SCAI: variants seen among roughly 807,000 people sequenced by gnomAD.
SCAI encodes suppressor of cancer cell invasion.
A neutral mutation model predicts 92.2 loss-of-function variants in SCAI; 24 were observed. The ratio of observed to expected loss-of-function variants is 0.26; its 90% confidence interval spans 0.19 to 0.37. The LOEUF (loss-of-function observed/expected upper bound fraction) is 0.37, where lower values mean the gene tolerates loss of function less well. SCAI is among the 10% of genes least tolerant of loss of function. SCAI has a pLI of 1.00. For missense variants in SCAI, 450 were observed against 736.2 expected, an observed-to-expected ratio of 0.61 and a Z score of 4.50; for synonymous variants, 261 against 258.6, an observed-to-expected ratio of 1.01 and a Z score of -0.09.
At chr9:125,021,233 C>T (rs143529131) in intron 6 of SCAI, among the ~76,000 whole-genome samples, 188 of 152,240 alleles carry the variant, frequency 1.2e-3, no homozygotes, top group Middle Eastern at 0.01. Flanking sequence ...AAGAATACAA[C>T]GAAGCGTGGA....
intron 2 of SCAI, among the ~76,000 whole-genome samples, chr9:125,111,518 C>T (rs1015726288): frequency 6.6e-6 from 1 of 151,938 alleles, no homozygotes; most frequent in East Asian, 1.9e-4. Context: ...AACACAAATT[C>T]GCAAACTTCC....
intron 13 of SCAI, among the ~76,000 whole-genome samples, chr9:124,998,474 C>T (rs1233755481): frequency 6.6e-6 from 1 of 151,698 alleles, no homozygotes; most frequent in East Asian, 1.9e-4. Flanking sequence ...AAACTCAATA[C>T]TAGAGGTTGG....
At chr9:125,099,182 T>C (rs1175249046) in intron 2 of SCAI, among the ~76,000 whole-genome samples, 1 of 152,184 alleles carries the variant, frequency 6.6e-6, no homozygotes, top group Non-Finnish European at 1.5e-5. Context: ...TACATATTCA[T>C]ATCCAGGAAA....
At chr9:124,995,969 G>A (rs1394203484) in intron 13 of SCAI, among the ~76,000 whole-genome samples, 2 of 152,032 alleles carry the variant, frequency 1.3e-5, no homozygotes, top group Admixed American at 6.6e-5. Context: ...CTGAGTACAC[G>A]ATGTGCATAT....
chr9:124,973,597 C>T (rs991566385), intron 15 of SCAI, among the ~76,000 whole-genome samples: 16 of 152,188 alleles, frequency 1.1e-4, no homozygotes, highest in South Asian at 4.1e-4. Context: ...CTTTTGGAGG[C>T]GGAGGCGGGC....
rs895227034 is a variant in SCAI, at chr9:124,947,770, T to G, written c.*5037A>C. 7 of 152,184 alleles carry G rather than the reference T, an allele frequency of 4.6e-5. No homozygotes were observed. The highest frequency in any genetic ancestry group is 1.0e-4 in the Non-Finnish European group (7 of 68,030). 9.4% of individuals were successfully genotyped at this position (152,184 alleles called of 1,614,324 possible). A position where few individuals can be genotyped will look rare whatever the true frequency, so the allele number is the denominator to read the frequency against. On this transcript the variant is annotated 3_prime_UTR_variant, in exon 18 of 18. Transcript: ENST00000336505. ...AAAAGAGCCCTCAAGGTAAATACCCTCTATGATTTCCAAACACACACAGGA... is the reference window on the plus strand; with the variant it reads ...AAAAGAGCCCTCAAGGTAAATACCCGCTATGATTTCCAAACACACACAGGA...
At chr9:125,062,970 A>G (rs1833799691) in intron 2 of SCAI, among the ~76,000 whole-genome samples, 1 of 149,268 alleles carries the variant, frequency 6.7e-6, no homozygotes, top group African/African-American at 2.5e-5. Flanking sequence ...CAGTGAGTCC[A>G]GATCGCACCA....
intron 2 of SCAI, among the ~76,000 whole-genome samples, chr9:125,082,147 T>C (rs1161143215): frequency 6.6e-6 from 1 of 152,216 alleles, no homozygotes; most frequent in Non-Finnish European, 1.5e-5. Context: ...ATGCCATGTG[T>C]GGTCTAGAGA....
chr9:125,014,077 T>C (rs1278636333), intron 9 of SCAI, among the ~76,000 whole-genome samples: 2 of 152,102 alleles, frequency 1.3e-5, no homozygotes. Flanking sequence ...AATATCATAC[T>C]GAATGGGCAA....
intron 2 of SCAI, among the ~76,000 whole-genome samples, chr9:125,072,896 C>G (rs1834004844): frequency 1.3e-5 from 2 of 151,970 alleles, no homozygotes; most frequent in Admixed American, 1.3e-4. Context: ...ATAATACGCC[C>G]TTGTTTTTAT....
At chr9:125,059,526 C>T (rs982661506) in intron 2 of SCAI, among the ~76,000 whole-genome samples, 39 of 152,136 alleles carry the variant, frequency 2.6e-4, no homozygotes, top group African/African-American at 7.5e-4. Context: ...AAAATACAAA[C>T]CTAATGCAGC....
intron 9 of SCAI, among the ~76,000 whole-genome samples, chr9:125,016,481 A>G (rs570226968): frequency 2.2e-4 from 33 of 151,952 alleles, no homozygotes; most frequent in Admixed American, 6.6e-4. Context: ...TAAGAATCAG[A>G]ATCAATGTAA....
At chr9:125,134,013 C>G (rs966041263) in intron 2 of SCAI, among the ~76,000 whole-genome samples, 2 of 152,152 alleles carry the variant, frequency 1.3e-5, no homozygotes, top group African/African-American at 4.8e-5. Flanking sequence ...TAGTTGAGAA[C>G]CACCCCTTAG....
At chr9:124,956,170 A>G (rs1588113951) in intron 17 of SCAI, among the ~76,000 whole-genome samples, 1 of 152,214 alleles carries the variant, frequency 6.6e-6, no homozygotes, top group South Asian at 2.1e-4. Flanking sequence ...CAAAAAGGAC[A>G]ATATATGACC....
chr9:125,055,581 C>T (rs1833644450), intron 3 of SCAI, among the ~76,000 whole-genome samples: 2 of 152,222 alleles, frequency 1.3e-5, no homozygotes, highest in Non-Finnish European at 2.9e-5. Flanking sequence ...CAGACCTCAA[C>T]ACCCTAATGT....
At chr9:125,105,526 A>C (rs923055834) in intron 2 of SCAI, among the ~76,000 whole-genome samples, 3 of 152,222 alleles carry the variant, frequency 2.0e-5, no homozygotes, top group Admixed American at 2.0e-4. Flanking sequence ...CAAAATAAAG[A>C]AATTTGAATG....
At chr9:124,958,886 G>GAC (rs10692315) in intron 17 of SCAI, among the ~76,000 whole-genome samples, 91,482 of 145,478 alleles carry the variant, frequency 0.63, 29,153 homozygotes, top group African/African-American at 0.66. Context: ...CAGCCTGGGT[G>GAC]AGAGTGAGAC....
Position 125,142,626 on chromosome 9 carries a change from G to A in SCAI, c.98+7C>T. Reference sequence around the variant, plus strand: ...ACATGAAGCAAAATAGGAAGGCACTGCCTTACCTGCTTCTCCGTTTTCGAG... The same window carrying A: ...ACATGAAGCAAAATAGGAAGGCACTACCTTACCTGCTTCTCCGTTTTCGAG... On this transcript the variant is annotated splice_region_variant and intron_variant, in intron 2 of 17. Coordinates refer to ENST00000336505, the MANE Select transcript of SCAI (RefSeq NM_001144877.3). 6.2e-7 allele frequency: 1 copy of A among 1,612,790 alleles called. No individual in the cohort carries two copies. Among genetic ancestry groups the A allele is most frequent in the Non-Finnish European group, 8.5e-7 (1 of 1,178,836 alleles).
Position 125,059,631 on chromosome 9 carries a change from A to G in SCAI, c.99-3624T>C, listed in dbSNP as rs945343531. On this transcript the variant is annotated intron_variant, in intron 2 of 17. Coordinates refer to ENST00000336505, the MANE Select transcript of SCAI (RefSeq NM_001144877.3). ...AGGCAGTGTAAATTAGTTCAAACCCATAAGTTTCCCTGAATGTATGAGGGG... is the reference window on the plus strand; with the variant it reads ...AGGCAGTGTAAATTAGTTCAAACCCGTAAGTTTCCCTGAATGTATGAGGGG... Among the ~76,000 whole-genome samples, 4 of 152,248 alleles carry G rather than the reference A, an allele frequency of 2.6e-5. 1 individual carries two copies. The highest frequency in any genetic ancestry group is 4.1e-4 in the South Asian group (2 of 4,830).
Sources: gnomAD v4.1 joint callset for allele counts (sites outside exome capture counted in the v4.1 genomes callset) on GRCh38, gnomAD v4.1.1 for gene constraint, MANE v1.5 for transcripts, NCBI Gene and HGNC (gene_info 2026-07-23, HGNC 2026-07-21) for gene names.